Variants in SP100 observed in about 807,000 individuals in gnomAD.
SP100 encodes the protein nuclear autoantigen Sp-100.
SP100 carries 84 observed loss-of-function variants against 130.0 expected under a neutral mutation model. That is an observed-to-expected ratio of 0.65 (90% CI 0.54 to 0.77). The LOEUF is 0.77. SP100 is among the 30% of genes least tolerant of loss of function. The pLI is 0.00. For missense variants in SP100, 978 were observed against 1,052.2 expected, an observed-to-expected ratio of 0.93 and a Z score of 0.97; for synonymous variants, 331 against 351.7, an observed-to-expected ratio of 0.94 and a Z score of 0.66.
In SP100 at chr2:230,544,840, A is replaced by G. The variant is rs1692269014; in HGVS notation, c.*1894A>G. 6.6e-6 allele frequency among the ~76,000 whole-genome samples: 1 copy of G among 152,226 alleles called. No individual in the cohort carries two copies. The highest frequency in any genetic ancestry group is 1.5e-5 in the Non-Finnish European group (1 of 68,034). ...GCCAACAAGCATGTTTTAAAAGCTC[A>G]ATATCACTGATCGTTAGAGACATGC... On this transcript the variant is annotated 3_prime_UTR_variant, in exon 29 of 29. Transcript: ENST00000340126.
intron 13 of SP100, 47 bp downstream of exon 13, chr2:230,467,262 C>T (rs1310773106): frequency 2.3e-6 from 3 of 1,303,058 alleles, no homozygotes; most frequent in Non-Finnish European, 3.3e-6. Flanking sequence ...CAGAGCACCT[C>T]TTCCCTGATG....
At position 230,448,963 on chromosome 2, in the gene SP100, C is replaced by A. The variant is rs1575625189; in HGVS notation, c.524-125C>A. ...GGTAGCATCTGCCAGCTCCAGGTGG[C>A]CTTTGCATTGAGACCTAGAAGGGGT... On this transcript the variant is annotated intron_variant, in intron 5 of 28. Transcript: ENST00000340126. 1.1e-5 allele frequency: 8 copies of A among 714,872 alleles called. No individual in the cohort carries two copies. In the East Asian group the frequency reaches 2.0e-4, roughly 18 times the overall value. The allele number at this position is 714,872 out of a possible 1,614,324, so 44.3% of individuals were successfully genotyped here. A position where few individuals can be genotyped will look rare whatever the true frequency, so the allele number is the denominator to read the frequency against.
intron 18 of SP100, among the ~76,000 whole-genome samples, chr2:230,495,189 A>G (rs1559519169): frequency 6.6e-6 from 1 of 152,208 alleles, no homozygotes; most frequent in East Asian, 1.9e-4. Context: ...GAAGTGTTAG[A>G]AAGGTGTGTT....
chr2:230,520,936 A>T (rs550134544), intron 24 of SP100, among the ~76,000 whole-genome samples: 13 of 152,214 alleles, frequency 8.5e-5, no homozygotes, highest in Admixed American at 2.6e-4. Flanking sequence ...AACAATCAGT[A>T]AAACTTTATG....
At position 230,473,195 on chromosome 2, in the gene SP100, A is replaced by G. The variant is rs573957304; in HGVS notation, c.1430-129A>G. The G allele has an allele frequency of 5.0e-6, 3 of 594,406 alleles. No individual in the cohort carries two copies. In the African/African-American group the frequency reaches 5.6e-5, roughly 11 times the overall value. 36.8% of individuals were successfully genotyped at this position (594,406 alleles called of 1,614,324 possible). A position where few individuals can be genotyped will look rare whatever the true frequency, so the allele number is the denominator to read the frequency against. On this transcript the variant is annotated intron_variant, in intron 15 of 28. Transcript: ENST00000340126. Reference sequence around the variant, plus strand: ...TACAGTGAGGAACCACAAAAGAAAAAGAGATTTCAGATGTAGAGCCCATCC... The same window carrying G: ...TACAGTGAGGAACCACAAAAGAAAAGGAGATTTCAGATGTAGAGCCCATCC...
chr2:230,508,088 T>C (rs1174710623), intron 23 of SP100, 57 bp downstream of exon 23: 11 of 1,605,904 alleles, frequency 6.8e-6, no homozygotes, highest in South Asian at 5.6e-5. Context: ...TGATTTTCTA[T>C]CTCTGTGGAC....
chr2:230,504,163 GA>G (rs540239176), intron 20 of SP100, 22 bp from the exon 21 acceptor site: 684 of 1,332,450 alleles, frequency 5.1e-4, no homozygotes, highest in African/African-American at 1.8e-3. Context: ...AGATGGAATG[GA>G]AAAAAAAATG....
chr2:230,497,605 AG>A (rs1438295356), intron 18 of SP100, among the ~76,000 whole-genome samples: 1 of 144,502 alleles, frequency 6.9e-6, no homozygotes. Flanking sequence ...AGGAAAGGAA[AG>A]GAAAGGAAAG....
At chr2:230,443,517 A>G (rs1559490555) in intron 3 of SP100, among the ~76,000 whole-genome samples, 1 of 152,274 alleles carries the variant, frequency 6.6e-6, no homozygotes, top group Non-Finnish European at 1.5e-5. Flanking sequence ...ACATCAATTT[A>G]AAATGCCTAG....
intron 17 of SP100, among the ~76,000 whole-genome samples, chr2:230,482,296 C>T (rs1440617218): frequency 6.6e-6 from 1 of 152,192 alleles, no homozygotes; most frequent in Non-Finnish European, 1.5e-5. Flanking sequence ...AATACTCTCG[C>T]TTCCATTCCT....
In SP100 at chr2:230,470,072, G is replaced by A. The variant is rs1385643862; in HGVS notation, c.1403G>A (p.Cys468Tyr). 2 of 1,611,276 alleles carry A rather than the reference G, an allele frequency of 1.2e-6. No individual in the cohort carries two copies. The highest frequency in any genetic ancestry group is 4.5e-5 in the East Asian group (2 of 44,806). Reference sequence around the variant, plus strand: ...AATGGAGAAGAGCTTCAGGAAACCTGCAGCTCATCCCTAAGAAGAGGGTCA... The same window carrying A: ...AATGGAGAAGAGCTTCAGGAAACCTACAGCTCATCCCTAAGAAGAGGGTCA... ...LSNGEELQET[C>Y]SSSLRRGSGS... Residue 468 changes from cysteine to tyrosine, a missense_variant, in exon 15 of 29, where the codon TGC becomes TAC. Transcript: ENST00000340126.
At chr2:230,496,178 G>C (rs1456896874) in intron 18 of SP100, among the ~76,000 whole-genome samples, 8 of 151,972 alleles carry the variant, frequency 5.3e-5, no homozygotes, top group Admixed American at 5.2e-4. Flanking sequence ...AAAATACTTG[G>C]ATTTGTTAAG....
At chr2:230,470,792 T>C (rs1256720651) in intron 15 of SP100, among the ~76,000 whole-genome samples, 1 of 152,178 alleles carries the variant, frequency 6.6e-6, no homozygotes, top group African/African-American at 2.4e-5. Context: ...GGATAAGAGC[T>C]GTGTCATTTA....
intron 2 of SP100, among the ~76,000 whole-genome samples, chr2:230,422,821 A>G (rs1403996944): frequency 6.6e-6 from 1 of 152,166 alleles, no homozygotes; most frequent in East Asian, 1.9e-4. Context: ...TAACACCTAC[A>G]TGGTCATGCC....
At chr2:230,532,490 T>C (rs1691744947) in intron 24 of SP100, among the ~76,000 whole-genome samples, 1 of 151,972 alleles carries the variant, frequency 6.6e-6, no homozygotes, top group Admixed American at 6.6e-5. Flanking sequence ...TTAGTTATCT[T>C]TACCATTATT....
chr2:230,467,256 G>C, intron 13 of SP100, 41 bp downstream of exon 13: 2 of 1,406,246 alleles, frequency 1.4e-6, no homozygotes, highest in African/African-American at 1.4e-5. Context: ...TGACTTCAGA[G>C]CACCTCTTCC....
intron 17 of SP100, among the ~76,000 whole-genome samples, chr2:230,483,863 T>C (rs577331004): frequency 6.6e-6 from 1 of 152,346 alleles, no homozygotes; most frequent in South Asian, 2.1e-4. Flanking sequence ...ATAAGGTTTT[T>C]CGAAGCCTCT....
At chr2:230,441,733 T>C (rs753796028) in intron 2 of SP100, among the ~76,000 whole-genome samples, 1 of 152,180 alleles carries the variant, frequency 6.6e-6, no homozygotes, top group Non-Finnish European at 1.5e-5. Flanking sequence ...TGGTTGCATA[T>C]GGTCAGGATG....
chr2:230,459,784 C>A (rs886275707), intron 8 of SP100, among the ~76,000 whole-genome samples: 1 of 152,212 alleles, frequency 6.6e-6, no homozygotes, highest in Admixed American at 6.5e-5. Flanking sequence ...TCCTGTCTGG[C>A]CCCCAGTCTT....
Sources: gnomAD v4.1 joint callset for allele counts (sites outside exome capture counted in the v4.1 genomes callset) on GRCh38, gnomAD v4.1.1 for gene constraint, MANE v1.5 for transcripts, NCBI Gene and HGNC (gene_info 2026-07-23, HGNC 2026-07-21) for gene names.